The following CDH13 variants were observed in gnomAD, a reference collection of about 807,000 sequenced individuals.
CDH13 encodes the protein cadherin 13.
CDH13 carries 24 observed loss-of-function variants against 63.8 expected under a neutral mutation model. That is an observed-to-expected ratio of 0.38 (90% CI 0.27 to 0.53). The LOEUF (loss-of-function observed/expected upper bound fraction) is 0.53, where lower values mean the gene tolerates loss of function less well. Among genes scored for constraint, CDH13 ranks in the 20% least tolerant of loss-of-function variants. The pLI is 0.85. For synonymous variants in CDH13, 503 were observed against 355.3 expected (o/e 1.42, Z -4.67); for missense variants, 1,049 against 903.1 (o/e 1.16, Z -2.07).
chr16:83,013,784 G>A (rs1237769170), intron 2 of CDH13, among the ~76,000 whole-genome samples: 1 of 152,160 alleles, frequency 6.6e-6, no homozygotes, highest in African/African-American at 2.4e-5. Context: ...AGAGATACAA[G>A]GGTTGCTGGG....
At chr16:82,904,475 C>G (rs1275896299) in intron 2 of CDH13, among the ~76,000 whole-genome samples, 2 of 152,194 alleles carry the variant, frequency 1.3e-5, no homozygotes, top group African/African-American at 4.8e-5. Context: ...TCTTCTCACC[C>G]TTTGTGGCAA....
chr16:83,364,149 G>T (rs888106539), intron 6 of CDH13, among the ~76,000 whole-genome samples: 1 of 152,094 alleles, frequency 6.6e-6, no homozygotes. Flanking sequence ...CTTCTCATGG[G>T]GACCAAGCAT....
rs1424725953 is a variant in CDH13 at position 82,793,499 on chromosome 16, C to T, written c.46-64863C>T. Among the ~76,000 whole-genome samples, 11 of 152,238 alleles carry T rather than the reference C, an allele frequency of 7.2e-5. No homozygotes were observed. In the East Asian group the frequency reaches 7.7e-4, roughly 11 times the overall value. On this transcript the variant is annotated intron_variant, in intron 1 of 13. Coordinates refer to ENST00000567109, the MANE Select transcript of CDH13 (RefSeq NM_001257.5). The stretch of plus-strand genomic sequence containing the variant: ...CAGTGTTTCATTATCCGATTGAGTT[C>T]GGTACCTCAAGTTTCAAAGACCGTT...
At chr16:83,662,507 C>G (rs530257354) in intron 8 of CDH13, among the ~76,000 whole-genome samples, 1 of 152,286 alleles carries the variant, frequency 6.6e-6, no homozygotes, top group Admixed American at 6.5e-5. Context: ...AATGGCATGT[C>G]TGGGATTTGC....
Position 83,341,951 on chromosome 16 carries a change from G to C in CDH13, c.637-2911G>C, listed in dbSNP as rs74034173. Among the ~76,000 whole-genome samples the C allele has an allele frequency of 9.7e-3, 1,426 of 147,160 alleles. 18 individuals are homozygous for C. Among genetic ancestry groups the C allele is most frequent in the African/African-American group, 0.034 (1,372 of 40,172 alleles). On this transcript the variant is annotated intron_variant, in intron 5 of 13. Coordinates refer to ENST00000567109, the MANE Select transcript of CDH13 (RefSeq NM_001257.5). ...AGCTGAAACATTCCCTCAGCAATAA[G>C]GTTTTCTCCACCATTTATTTTGAAT...
At chr16:83,107,906 G>A (rs751270916) in intron 3 of CDH13, among the ~76,000 whole-genome samples, 22 of 149,692 alleles carry the variant, frequency 1.5e-4, no homozygotes, top group Admixed American at 6.0e-4. Context: ...TGCAACATCC[G>A]CCTGCTGGAT....
chr16:82,635,730 G>A (rs1303566841), intron 1 of CDH13, among the ~76,000 whole-genome samples: 2 of 152,102 alleles, frequency 1.3e-5, no homozygotes, highest in African/African-American at 2.4e-5. Flanking sequence ...TATGGTTTGG[G>A]TCTCTGTCCC....
intron 10 of CDH13, among the ~76,000 whole-genome samples, chr16:83,744,748 C>T (rs56233754): frequency 0.016 from 2,458 of 152,282 alleles, 65 homozygotes; most frequent in African/African-American, 0.057. Context: ...TTCAGTTTGC[C>T]CTCACAGCTA....
chr16:83,026,246 C>T (rs546905688), intron 2 of CDH13, among the ~76,000 whole-genome samples: 2 of 152,334 alleles, frequency 1.3e-5, no homozygotes, highest in African/African-American at 4.8e-5. Context: ...ACTGTCCTTT[C>T]TCCACTTGCC....
At chr16:83,176,258 TC>T (rs1316597887) in intron 4 of CDH13, among the ~76,000 whole-genome samples, 2 of 148,662 alleles carry the variant, frequency 1.3e-5, no homozygotes, top group Non-Finnish European at 3.0e-5. Flanking sequence ...ACGCCTGTAA[TC>T]CCAGCACTTT....
chr16:82,808,345 C>G (rs1052550870), intron 1 of CDH13, among the ~76,000 whole-genome samples: 4 of 152,172 alleles, frequency 2.6e-5, no homozygotes, highest in Non-Finnish European at 4.4e-5. Context: ...TTTGATACCT[C>G]TCTGTCTACT....
chr16:83,016,839 C>G (rs1041000377), intron 2 of CDH13, among the ~76,000 whole-genome samples: 1 of 152,104 alleles, frequency 6.6e-6, no homozygotes, highest in African/African-American at 2.4e-5. Context: ...AGATGCTCAT[C>G]TACATACTGG....
At chr16:82,895,863 T>G (rs1317499069) in intron 2 of CDH13, among the ~76,000 whole-genome samples, 1 of 152,180 alleles carries the variant, frequency 6.6e-6, no homozygotes, top group Non-Finnish European at 1.5e-5. Flanking sequence ...GTCAAGCCAG[T>G]ACACATGGGA....
intron 8 of CDH13, among the ~76,000 whole-genome samples, chr16:83,622,678 G>T (rs1448968028): frequency 6.6e-6 from 1 of 152,180 alleles, no homozygotes; most frequent in African/African-American, 2.4e-5. Flanking sequence ...ACATTAGCCC[G>T]CTCTCGCTAC....
intron 5 of CDH13, among the ~76,000 whole-genome samples, chr16:83,326,144 A>G (rs2090354837): frequency 2.0e-5 from 3 of 152,184 alleles, no homozygotes; most frequent in Admixed American, 1.3e-4. Flanking sequence ...TGCAGGGTCT[A>G]GGTCTTTTAT....
rs191653668 is a variant in CDH13, at chr16:83,415,287, A to G, written c.781+70281A>G. Among the ~76,000 whole-genome samples, 28 of 152,304 alleles carry G rather than the reference A, an allele frequency of 1.8e-4. No individual in the cohort carries two copies. In the East Asian group the frequency reaches 5.2e-3, roughly 28 times the overall value. The stretch of plus-strand genomic sequence containing the variant: ...TCATAGGGAGATTGAATCGGTAACC[A>G]CAAATTCTCAACAAAGTAAAGCTTA... On this transcript the variant is annotated intron_variant, in intron 6 of 13. Transcript: ENST00000567109.
At chr16:82,682,434 A>G (rs966363333) in intron 1 of CDH13, among the ~76,000 whole-genome samples, 2 of 152,248 alleles carry the variant, frequency 1.3e-5, no homozygotes, top group African/African-American at 4.8e-5. Context: ...AGGCACTGGC[A>G]TCTGGTCAGT....
At chr16:83,790,798 T>C (rs1392154072) in intron 13 of CDH13, among the ~76,000 whole-genome samples, 1 of 152,204 alleles carries the variant, frequency 6.6e-6, no homozygotes, top group Non-Finnish European at 1.5e-5. Flanking sequence ...GCATTGCCAT[T>C]AAGCTGTTTC....
intron 2 of CDH13, among the ~76,000 whole-genome samples, chr16:82,976,015 G>A (rs1452775334): frequency 1.3e-5 from 2 of 152,202 alleles, no homozygotes; most frequent in Admixed American, 6.5e-5. Flanking sequence ...AGCACGGTAA[G>A]GATTCTGTGT....
Sources: gnomAD v4.1 joint callset for allele counts (sites outside exome capture counted in the v4.1 genomes callset) on GRCh38, gnomAD v4.1.1 for gene constraint, MANE v1.5 for transcripts, NCBI Gene and HGNC (gene_info 2026-07-23, HGNC 2026-07-21) for gene names.